The following RDX variants were observed in gnomAD, a reference collection of about 807,000 sequenced individuals.
RDX encodes the protein deafness, autosomal recessive 24.
RDX carries 32 observed loss-of-function variants against 83.7 expected under a neutral mutation model. That is an observed-to-expected ratio of 0.38 (90% CI 0.29 to 0.51). The LOEUF (loss-of-function observed/expected upper bound fraction) is 0.51, where lower values mean the gene tolerates loss of function less well. Ranked by LOEUF, RDX falls within the 20% of genes least tolerant of loss-of-function variation. RDX has a pLI of 0.87. For synonymous variants in RDX, 229 were observed against 222.7 expected (o/e 1.03, Z -0.25); for missense variants, 600 against 689.9 (o/e 0.87, Z 1.46).
chr11:110,203,413 TA>T (rs34158580), intron 14 of RDX, among the ~76,000 whole-genome samples: 1,973 of 125,498 alleles, frequency 0.016, 36 homozygotes, highest in African/African-American at 0.041. Context: ...TGTTAATGGG[TA>T]AAAAAAAAAA....
intron 1 of RDX, among the ~76,000 whole-genome samples, chr11:110,279,979 T>C (rs1565332409): frequency 6.6e-6 from 1 of 152,174 alleles, no homozygotes; most frequent in Admixed American, 6.5e-5. Context: ...TAACATGTTA[T>C]AAACACACTG....
intron 15 of RDX, among the ~76,000 whole-genome samples, chr11:110,182,468 GCA>G (rs1319180911): frequency 6.6e-6 from 1 of 152,176 alleles, no homozygotes; most frequent in African/African-American, 2.4e-5. Flanking sequence ...GGGTGTGGTG[GCA>G]CACACCTGTA....
intron 3 of RDX, among the ~76,000 whole-genome samples, chr11:110,268,741 C>T (rs965507792): frequency 6.6e-6 from 1 of 151,884 alleles, no homozygotes; most frequent in Non-Finnish European, 1.5e-5. Flanking sequence ...CCCAGTGGTT[C>T]TCTACTTCTT....
At chr11:110,214,413 C>A (rs1863953330) in intron 14 of RDX, among the ~76,000 whole-genome samples, 1 of 133,530 alleles carries the variant, frequency 7.5e-6, no homozygotes, top group South Asian at 2.8e-4. Flanking sequence ...CTAGTTCAAC[C>A]ATTGTGGAAG....
Position 110,178,732 on chromosome 11 carries a change from C to T in RDX, c.*32-3498G>A, listed in dbSNP as rs572676773. ...TGTAGCCCAGCCAAAGTAGTGAGGG[C>T]GCAGAGAGGAAGCTAGAGACACTGA... On this transcript the variant is annotated intron_variant, in intron 15 of 15. Transcript: ENST00000528498. Among the ~76,000 whole-genome samples the T allele has an allele frequency of 3.4e-4, 52 of 152,272 alleles. No homozygotes were observed. The East Asian group carries it at 6.9e-3, about 20-fold the overall frequency.
chr11:110,187,638 T>A (rs4754430), intron 15 of RDX, among the ~76,000 whole-genome samples: 3 of 151,964 alleles, frequency 2.0e-5, no homozygotes, highest in African/African-American at 4.8e-5. Context: ...CTCTGGGTGC[T>A]TGATGGCTGC....
chr11:110,290,434 C>T (rs1344839079), intron 1 of RDX, among the ~76,000 whole-genome samples: 2 of 151,938 alleles, frequency 1.3e-5, no homozygotes, highest in Non-Finnish European at 2.9e-5. Context: ...ATCACTTCAG[C>T]CTGGGAGGTC....
At chr11:110,237,032 G>A (rs1267331238) in intron 11 of RDX, among the ~76,000 whole-genome samples, 2 of 151,176 alleles carry the variant, frequency 1.3e-5, no homozygotes, top group South Asian at 2.1e-4. Flanking sequence ...TAAGTGACAC[G>A]CTTACATCTA....
intron 14 of RDX, among the ~76,000 whole-genome samples, chr11:110,204,010 C>A (rs968241460): frequency 5.9e-5 from 9 of 151,696 alleles, no homozygotes; most frequent in Admixed American, 3.3e-4. Flanking sequence ...CCACTGCACT[C>A]CAGCCTGAGT....
intron 15 of RDX, among the ~76,000 whole-genome samples, chr11:110,177,846 A>C (rs1272328058): frequency 4.3e-4 from 66 of 152,078 alleles, no homozygotes; most frequent in Admixed American, 4.3e-3. Flanking sequence ...ACCCTGCCTC[A>C]AATCCTTCTA....
chr11:110,187,166 C>A (rs1007652241), intron 15 of RDX, among the ~76,000 whole-genome samples: 1 of 152,238 alleles, frequency 6.6e-6, no homozygotes, highest in Non-Finnish European at 1.5e-5. Flanking sequence ...CCTCTCTACT[C>A]TACCCCCAGA....
At chr11:110,188,784 A>G (rs1385353898) in intron 15 of RDX, among the ~76,000 whole-genome samples, 1 of 152,238 alleles carries the variant, frequency 6.6e-6, no homozygotes, top group African/African-American at 2.4e-5. Context: ...AACCTCTTTT[A>G]TAGACAAGCA....
At chr11:110,240,178 T>C (rs1034507255) in intron 10 of RDX, among the ~76,000 whole-genome samples, 9 of 152,178 alleles carry the variant, frequency 5.9e-5, no homozygotes, top group Admixed American at 5.9e-4. Context: ...AAATGTGGTA[T>C]ACATACACTA....
intron 1 of RDX, among the ~76,000 whole-genome samples, chr11:110,291,309 C>T (rs532837094): frequency 5.9e-5 from 9 of 151,884 alleles, no homozygotes; most frequent in Non-Finnish European, 1.3e-4. Flanking sequence ...TGTACTCCAG[C>T]AGCAGAGAGG....
At chr11:110,253,666 T>C (rs1025593703) in intron 9 of RDX, among the ~76,000 whole-genome samples, 2 of 152,094 alleles carry the variant, frequency 1.3e-5, no homozygotes, top group Admixed American at 6.6e-5. Flanking sequence ...AAAACAATTT[T>C]GAAAGTTTCA....
intron 1 of RDX, among the ~76,000 whole-genome samples, chr11:110,294,132 G>A (rs1000109019): frequency 1.3e-5 from 2 of 152,258 alleles, no homozygotes; most frequent in African/African-American, 2.4e-5. Flanking sequence ...AGCGGCTCAT[G>A]CCTGTAATCC....
At chr11:110,256,220 G>A (rs1859540695) in intron 7 of RDX, among the ~76,000 whole-genome samples, 1 of 152,132 alleles carries the variant, frequency 6.6e-6, no homozygotes, top group Non-Finnish European at 1.5e-5. Flanking sequence ...CCAGGCTTCT[G>A]ACAACACAGC....
At chr11:110,238,670 T>C (rs1591138587) in intron 10 of RDX, among the ~76,000 whole-genome samples, 1 of 152,188 alleles carries the variant, frequency 6.6e-6, no homozygotes, top group East Asian at 1.9e-4. Context: ...ATGCCTGTAA[T>C]CCCAGCACTT....
In RDX at chr11:110,230,712, C is replaced by T. The variant is rs925063839; in HGVS notation, c.*1157G>A. On this transcript the variant is annotated 3_prime_UTR_variant, in exon 14 of 14. Transcript: ENST00000645495. ...TTACAATTTTAATACAAATCAGAAT[C>T]CCACAGTTTGACTCGACAAAAAGGC... is the stretch of plus-strand genomic sequence containing the variant. The T allele has an allele frequency of 6.6e-6, 1 of 152,468 alleles. No individual in the cohort carries two copies. The highest frequency in any genetic ancestry group is 2.4e-5 in the African/African-American group (1 of 41,388). The allele number at this position is 152,468 out of a possible 1,614,324, so 9.4% of individuals were successfully genotyped here.
Sources: gnomAD v4.1 joint callset for allele counts (sites outside exome capture counted in the v4.1 genomes callset) on GRCh38, gnomAD v4.1.1 for gene constraint, MANE v1.5 for transcripts, NCBI Gene and HGNC (gene_info 2026-07-23, HGNC 2026-07-21) for gene names.